AGPAT2: variants seen among roughly 807,000 people sequenced by gnomAD.
The protein encoded by AGPAT2 is 1-acyl-sn-glycerol-3-phosphate acyltransferase beta.
AGPAT2 carries 18 observed loss-of-function variants against 26.1 expected under a neutral mutation model. The observed-to-expected ratio is 0.69, with a 90% confidence interval of 0.48 to 1.02. AGPAT2 has a LOEUF of 1.02. AGPAT2 is among the 50% of genes least tolerant of loss of function. AGPAT2 has a pLI of 0.00. For missense variants in AGPAT2, 415 were observed against 394.9 expected, an observed-to-expected ratio of 1.05 and a Z score of -0.43; for synonymous variants, 200 against 174.2, an observed-to-expected ratio of 1.15 and a Z score of -1.16.
At chr9:136,679,915 A>T (rs1369221148) in intron 1 of AGPAT2, among the ~76,000 whole-genome samples, 3 of 152,216 alleles carry the variant, frequency 2.0e-5, no homozygotes, top group Non-Finnish European at 4.4e-5. Flanking sequence ...TCTTCCAGGA[A>T]TTCGCCCGAC....
At chr9:136,679,986 C>G (rs1489530519) in intron 1 of AGPAT2, among the ~76,000 whole-genome samples, 8 of 152,296 alleles carry the variant, frequency 5.3e-5, no homozygotes. Flanking sequence ...CCTGAAAATG[C>G]TTAAATAGCC....
rs977460187 is a variant in AGPAT2, at chr9:136,678,571, G to A, written c.183-1015C>T. Among the ~76,000 whole-genome samples, 7 of 152,186 alleles carry A rather than the reference G, an allele frequency of 4.6e-5. 1 individual carries two copies. Among genetic ancestry groups the A allele is most frequent in the Admixed American group, 3.9e-4 (6 of 15,288 alleles). ...CAGCGCTGACTGGGGGGCTGCCAGT[G>A]CTGCTCCCCTCTCCATGCAGACTAG... On this transcript the variant is annotated intron_variant, in intron 1 of 5. Coordinates refer to ENST00000371696, the MANE Select transcript of AGPAT2 (RefSeq NM_006412.4).
Position 136,676,617 on chromosome 9 carries a change from T to C in AGPAT2, c.556A>G (p.Lys186Glu), listed in dbSNP as rs1198278973. ...NDNGDLLPFK[K>E]GAFYLAVQAQ... Reference sequence around the variant, plus strand: ...TGGACTGCCAGGTAGAAGGCGCCCTTCTTAAAAGGCAGCAGGTCCCCATTG... The same window carrying C: ...TGGACTGCCAGGTAGAAGGCGCCCTCCTTAAAAGGCAGCAGGTCCCCATTG... Residue 186 changes from lysine (K) to glutamate (E), a missense_variant, in exon 4 of 6, where the codon AAG (lysine) becomes GAG (glutamate). Coordinates refer to ENST00000371696, the MANE Select transcript of AGPAT2 (RefSeq NM_006412.4). 2 of 1,613,314 alleles carry C rather than the reference T, an allele frequency of 1.2e-6. No homozygotes were observed. Among genetic ancestry groups the C allele is most frequent in the East Asian group, 4.5e-5 (2 of 44,872 alleles).
intron 4 of AGPAT2, among the ~76,000 whole-genome samples, chr9:136,676,047 T>C (rs1415195043): frequency 6.6e-6 from 1 of 152,122 alleles, no homozygotes; most frequent in Non-Finnish European, 1.5e-5. Flanking sequence ...GGGGAATGGC[T>C]ATACCCTGGC....
intron 1 of AGPAT2, among the ~76,000 whole-genome samples, chr9:136,677,931 A>T (rs1263231175): frequency 1.3e-5 from 2 of 152,074 alleles, no homozygotes; most frequent in East Asian, 3.9e-4. Context: ...GCTATGAAGG[A>T]CCCACGTCGG....
intron 1 of AGPAT2, among the ~76,000 whole-genome samples, chr9:136,682,887 C>T (rs995753710): frequency 3.9e-5 from 6 of 152,156 alleles, no homozygotes; most frequent in African/African-American, 9.7e-5. Flanking sequence ...CTGGGCCTGA[C>T]GGGGATTTGG....
chr9:136,677,325 G>A, intron 2 of AGPAT2, 98 bp downstream of exon 2: 1 of 1,586,784 alleles, frequency 6.3e-7, no homozygotes, highest in Non-Finnish European at 8.6e-7. Context: ...CCAGGCACAG[G>A]CAGCCCTGTG....
At chr9:136,687,153 C>T (rs1173431831) in intron 1 of AGPAT2, 23 bp downstream of exon 1, 6 of 1,573,938 alleles carry the variant, frequency 3.8e-6, no homozygotes, top group Non-Finnish European at 5.1e-6. Context: ...TCCCCGGCCC[C>T]TCCCGGCGGC....
chr9:136,675,105 G>C (rs1431161982), intron 4 of AGPAT2, among the ~76,000 whole-genome samples: 1 of 152,132 alleles, frequency 6.6e-6, no homozygotes, highest in Non-Finnish European at 1.5e-5. Context: ...CAGCTAGCCA[G>C]GGGGGCAGGG....
chr9:136,673,973 C>A, intron 5 of AGPAT2, 46 bp from the exon 6 acceptor site: 1 of 1,444,484 alleles, frequency 6.9e-7, no homozygotes, highest in Admixed American at 2.3e-5. Context: ...GGAGCTGGGG[C>A]CCACCTCAGC....
intron 1 of AGPAT2, among the ~76,000 whole-genome samples, chr9:136,678,097 C>CA (rs1273811350): frequency 6.6e-6 from 1 of 152,172 alleles, no homozygotes; most frequent in Non-Finnish European, 1.5e-5. Flanking sequence ...AGAAAAGAGC[C>CA]GAGACCGAGA....
intron 4 of AGPAT2, among the ~76,000 whole-genome samples, chr9:136,675,994 C>A (rs1050518066): frequency 2.6e-5 from 4 of 152,172 alleles, no homozygotes; most frequent in African/African-American, 9.7e-5. Context: ...CTTCTCCTGA[C>A]GCAACTCTTC....
intron 5 of AGPAT2, 70 bp downstream of exon 5, chr9:136,674,665 A>AG: frequency 8.3e-7 from 1 of 1,201,642 alleles, no homozygotes; most frequent in Middle Eastern, 2.1e-4. Context: ...GGGAACGATG[A>AG]GGGGCCCGGG....
intron 1 of AGPAT2, among the ~76,000 whole-genome samples, chr9:136,685,188 C>T (rs189065438): frequency 7.5e-4 from 115 of 152,348 alleles, no homozygotes; most frequent in African/African-American, 2.7e-3. Context: ...CTGTTAGTAG[C>T]CAGTGTCCCG....
chr9:136,675,139 T>C lies in AGPAT2; in HGVS notation c.589-332A>G, dbSNP rs560537297. Among the ~76,000 whole-genome samples the C allele has an allele frequency of 2.6e-5, 4 of 152,076 alleles. No individual in the cohort carries two copies. The East Asian group carries it at 7.7e-4, about 29-fold the overall frequency. ...GGCCCTGTCCGGTTTAGGAGGAGAT[T>C]ATGGCACTCTTCCCTGCCCACGCCT... On this transcript the variant is annotated intron_variant, in intron 4 of 5. Coordinates refer to ENST00000371696, the MANE Select transcript of AGPAT2 (RefSeq NM_006412.4).
In AGPAT2 at chr9:136,683,928, TC is replaced by T. The variant is rs1287681797; in HGVS notation, c.182+3247del. Among the ~76,000 whole-genome samples, 8 of 152,280 alleles carry T rather than the reference TC, an allele frequency of 5.3e-5. No homozygotes were observed. The East Asian group carries it at 1.4e-3, about 26-fold the overall frequency. Reference sequence around the variant, plus strand: ...AATCTGGGTCAAACCTTGCCCGACATCCCAAGTCCCCTGTGCGTTCTCCCCA... The same window carrying T: ...AATCTGGGTCAAACCTTGCCCGACATCCAAGTCCCCTGTGCGTTCTCCCCA... On this transcript the variant is annotated intron_variant, in intron 1 of 5. Transcript: ENST00000371696.
At chr9:136,674,257 G>A (rs992899662) in intron 5 of AGPAT2, among the ~76,000 whole-genome samples, 3 of 152,244 alleles carry the variant, frequency 2.0e-5, no homozygotes, top group African/African-American at 4.8e-5. Flanking sequence ...CTGTGGGAGA[G>A]ATGGAGCTGG....
At chr9:136,684,275 T>A (rs1846195017) in intron 1 of AGPAT2, among the ~76,000 whole-genome samples, 1 of 152,224 alleles carries the variant, frequency 6.6e-6, no homozygotes, top group South Asian at 2.1e-4. Context: ...TGAACCCAGC[T>A]GTAGGACACG....
intron 5 of AGPAT2, 73 bp from the exon 6 acceptor site, chr9:136,674,000 G>A (rs894360943): frequency 2.3e-5 from 32 of 1,379,000 alleles, no homozygotes; most frequent in African/African-American, 5.9e-5. Context: ...CCCTGGCCTC[G>A]CCTCTCCCCA....
Sources: allele counts gnomAD v4.1 joint callset (sites outside exome capture counted in the v4.1 genomes callset), GRCh38; gene constraint gnomAD v4.1.1; transcripts MANE v1.5; gene names NCBI Gene and HGNC (gene_info 2026-07-23, HGNC 2026-07-21).